The following MMP26 variants were observed in gnomAD, a reference collection of about 807,000 sequenced individuals.
The protein encoded by MMP26 is matrix metallopeptidase 26, also known as matrix metalloproteinase-26.
A neutral mutation model predicts 31.0 loss-of-function variants in MMP26; 33 were observed. That is an observed-to-expected ratio of 1.06 (90% CI 0.81 to 1.42). The LOEUF (loss-of-function observed/expected upper bound fraction) is 1.42. Ranked by LOEUF, MMP26 falls within the 40% of genes most tolerant of loss-of-function variation. The pLI, the probability that MMP26 is intolerant of heterozygous loss-of-function variation, is 0.00. For missense variants in MMP26, 347 were observed against 316.1 expected (o/e 1.10, Z -0.74); for synonymous variants, 122 against 114.9 (o/e 1.06, Z -0.40).
chr11:4,849,696 G>A (rs769815720), intron 2 of MMP26, among the ~76,000 whole-genome samples: 7 of 151,992 alleles, frequency 4.6e-5, no homozygotes. Flanking sequence ...AAATTAAGGG[G>A]CACTCATTTT....
Position 4,821,816 on chromosome 11 carries a change from T to C in MMP26, c.-145+54475T>C, listed in dbSNP as rs780796149. The C allele has an allele frequency of 1.2e-5, 19 of 1,611,344 alleles. No individual in the cohort carries two copies. In the Admixed American group the frequency reaches 3.2e-4, roughly 27 times the overall value. On this transcript the variant is annotated intron_variant, in intron 2 of 7. Transcript: ENST00000380390. ...CGTTTTGTGGCCATCTGTTACCCAC[T>C]GAGATACACTACCATCCTTACCAAT...
At position 4,990,591 on chromosome 11, in the gene MMP26, T is replaced by G; in HGVS notation, c.321-7T>G. The G allele has an allele frequency of 1.9e-6, 3 of 1,607,880 alleles. No individual in the cohort carries two copies. In the African/African-American group the frequency reaches 4.0e-5, roughly 21 times the overall value. On this transcript the variant is annotated splice_polypyrimidine_tract_variant and splice_region_variant and intron_variant, in intron 4 of 7. Transcript: ENST00000380390. ...GAACTATTTCATTTAGAGATTGCTT[T>G]CCTCAGGATTATCAATTACCCACAT...
chr11:4,859,794 A>T, intron 2 of MMP26: 1 of 471,440 alleles, frequency 2.1e-6, no homozygotes, highest in Non-Finnish European at 4.4e-6. Flanking sequence ...CAGCACCCAT[A>T]AAAGGAACAT....
chr11:4,958,841 G>A (rs894091908), intron 2 of MMP26, among the ~76,000 whole-genome samples: 1 of 152,140 alleles, frequency 6.6e-6, no homozygotes, highest in Non-Finnish European at 1.5e-5. Context: ...CAGAGGGTTA[G>A]TAATAAACAT....
At chr11:4,749,160 G>A (rs1036093778) in intron 1 of MMP26, among the ~76,000 whole-genome samples, 1 of 152,042 alleles carries the variant, frequency 6.6e-6, no homozygotes, top group African/African-American at 2.4e-5. Context: ...CTATCTAGCT[G>A]AGAACCAAAT....
chr11:4,910,791 T>C (rs769444524), intron 2 of MMP26, among the ~76,000 whole-genome samples: 23 of 152,020 alleles, frequency 1.5e-4, no homozygotes, highest in Admixed American at 2.0e-4. Context: ...CCAATAAATA[T>C]CTATTGGTCA....
At chr11:4,966,216 A>C (rs543482412) in intron 2 of MMP26, among the ~76,000 whole-genome samples, 1 of 152,326 alleles carries the variant, frequency 6.6e-6, no homozygotes, top group East Asian at 1.9e-4. Context: ...ATTAGACTCA[A>C]CAAATACAGA....
intron 2 of MMP26, among the ~76,000 whole-genome samples, chr11:4,894,680 A>G (rs1850675500): frequency 6.6e-6 from 1 of 152,172 alleles, no homozygotes; most frequent in Admixed American, 6.6e-5. Context: ...TGAAACAGCA[A>G]GGGCAATACC....
intron 2 of MMP26, among the ~76,000 whole-genome samples, chr11:4,843,417 C>T (rs1215104857): frequency 6.6e-6 from 1 of 152,224 alleles, no homozygotes; most frequent in Non-Finnish European, 1.5e-5. Flanking sequence ...TAAACTCTTG[C>T]CTTCTGTACA....
At chr11:4,967,639 A>G (rs7935991) in intron 2 of MMP26, among the ~76,000 whole-genome samples, 4,389 of 152,228 alleles carry the variant, frequency 0.029, 220 homozygotes, top group African/African-American at 0.099. Context: ...CTTTGGCTTC[A>G]TAAAGTCAAC....
intron 2 of MMP26, among the ~76,000 whole-genome samples, chr11:4,858,704 C>T (rs1251472170): frequency 1.3e-5 from 2 of 152,034 alleles, no homozygotes. Context: ...GCTTTCTTCA[C>T]AAAATTGGAA....
chr11:4,930,986 A>G (rs1851338822), intron 2 of MMP26, among the ~76,000 whole-genome samples: 1 of 152,094 alleles, frequency 6.6e-6, no homozygotes, highest in African/African-American at 2.4e-5. Context: ...AGATACAACT[A>G]AAGATAATTT....
chr11:4,965,764 A>T (rs888110140), intron 2 of MMP26, among the ~76,000 whole-genome samples: 2 of 152,192 alleles, frequency 1.3e-5, no homozygotes, highest in African/African-American at 4.8e-5. Flanking sequence ...AAAGTAATTC[A>T]TGTATGGAGA....
intron 2 of MMP26, among the ~76,000 whole-genome samples, chr11:4,927,357 G>A (rs1284667471): frequency 6.6e-6 from 1 of 152,148 alleles, no homozygotes; most frequent in Non-Finnish European, 1.5e-5. Flanking sequence ...AGAAAAACTA[G>A]TGCTTTGAAT....
chr11:4,884,923 T>C (rs1184872266), intron 2 of MMP26, among the ~76,000 whole-genome samples: 1 of 152,230 alleles, frequency 6.6e-6, no homozygotes, highest in Non-Finnish European at 1.5e-5. Context: ...AAGAGATATA[T>C]GGCTCTTTAA....
chr11:4,991,885 T>C (rs1847009180), intron 6 of MMP26, 79 bp from the exon 7 acceptor site: 2 of 1,305,338 alleles, frequency 1.5e-6, no homozygotes, highest in Non-Finnish European at 2.1e-6. Context: ...TCTCTCCTTT[T>C]TCTTTGTCCT....
intron 3 of MMP26, among the ~76,000 whole-genome samples, chr11:4,988,750 A>C (rs1250520315): frequency 6.6e-6 from 1 of 152,158 alleles, no homozygotes; most frequent in Non-Finnish European, 1.5e-5. Context: ...AAAATTATGA[A>C]TTTGCTCCAA....
At chr11:4,803,217 T>C (rs1331897314) in intron 2 of MMP26, among the ~76,000 whole-genome samples, 1 of 152,242 alleles carries the variant, frequency 6.6e-6, no homozygotes, top group Non-Finnish European at 1.5e-5. Context: ...GATGAATATG[T>C]AGTCAACAAA....
At chr11:4,819,467 A>T (rs1377016496) in intron 2 of MMP26, among the ~76,000 whole-genome samples, 4 of 151,600 alleles carry the variant, frequency 2.6e-5, no homozygotes, top group South Asian at 2.1e-4. Context: ...ATTAAGAGAG[A>T]CTGGTATCAT....
Sources: gnomAD v4.1 joint callset for allele counts (sites outside exome capture counted in the v4.1 genomes callset) on GRCh38, gnomAD v4.1.1 for gene constraint, MANE v1.5 for transcripts, NCBI Gene and HGNC (gene_info 2026-07-23, HGNC 2026-07-21) for gene names.